KLF5: variants seen among roughly 807,000 people sequenced by gnomAD.
The protein encoded by KLF5 is Krueppel-like factor 5.
In KLF5, 9 loss-of-function variants were observed where a neutral mutation model predicts 36.9. The observed-to-expected ratio is 0.24, with a 90% CI of 0.15 to 0.43. The LOEUF (loss-of-function observed/expected upper bound fraction) is 0.43. KLF5 is among the 20% of genes least tolerant of loss of function. The probability of loss-of-function intolerance (pLI) is 1.00; values close to 1 mark genes in which losing one functional copy is unlikely to be tolerated. For synonymous variants in KLF5, 246 were observed against 241.7 expected (o/e 1.02, Z -0.17); for missense variants, 524 against 599.5 (o/e 0.87, Z 1.31).
At chr13:73,065,575 CAAAT>C (rs2044672965) in intron 3 of KLF5, among the ~76,000 whole-genome samples, 1 of 152,042 alleles carries the variant, frequency 6.6e-6, no homozygotes, top group Non-Finnish European at 1.5e-5. Flanking sequence ...TAGTTAAACA[CAAAT>C]GAATTAAGCA....
At position 73,062,411 on chromosome 13, in the gene KLF5, C is replaced by T. The variant is rs748275920; in HGVS notation, c.812C>T (p.Pro271Leu). Residue 271 changes from proline to leucine, a missense_variant, in exon 2 of 4, where the codon CCG (proline) becomes CTG (leucine). Pro to Leu is a moderately conservative substitution (Grantham distance 98). Coordinates refer to ENST00000377687, the MANE Select transcript of KLF5 (RefSeq NM_001730.5). ...CTTAACACACACACCTCTGCTGTTC[C>T]GCAGACTGCAGTGAAACAATTCCAG... ...AGLNTHTSAV[P>L]QTAVKQFQGM... The T allele has an allele frequency of 1.2e-5, 19 of 1,614,042 alleles. No homozygotes were observed. Among genetic ancestry groups the T allele is most frequent in the South Asian group, 3.3e-5 (3 of 91,084 alleles).
rs1327079290 is a variant in KLF5 at position 73,059,675 on chromosome 13, C to T, written c.261+87C>T. On this transcript the variant is annotated intron_variant, in intron 1 of 3. Transcript: ENST00000377687. Reference sequence around the variant, plus strand: ...CGACTCGCGGGCGACAGGGGCCGCTCCAGGCTGGGGCGTGCGTCGGGGCGC... The same window carrying T: ...CGACTCGCGGGCGACAGGGGCCGCTTCAGGCTGGGGCGTGCGTCGGGGCGC... The T allele has an allele frequency of 1.4e-5, 14 of 1,030,858 alleles. No homozygotes were observed. In the African/African-American group the frequency reaches 2.2e-4, roughly 16 times the overall value. 63.9% of individuals were successfully genotyped at this position (1,030,858 alleles called of 1,614,324 possible).
Position 73,059,319 on chromosome 13 carries a change from C to G in KLF5, c.-9C>G. 7.3e-7 allele frequency: 1 copy of G among 1,371,366 alleles called. No homozygotes were observed. The highest frequency in any genetic ancestry group is 9.4e-7 in the Non-Finnish European group (1 of 1,061,630). The allele number at this position is 1,371,366 out of a possible 1,614,324, so 84.9% of individuals were successfully genotyped here. On this transcript the variant is annotated 5_prime_UTR_variant, in exon 1 of 4. Coordinates refer to ENST00000377687, the MANE Select transcript of KLF5 (RefSeq NM_001730.5). ...CGACCCGCGCCTGGAGCTGCGCCCCCGAGTGCCCATGGCTACAAGGGTGCT... is the reference window on the plus strand; with the variant it reads ...CGACCCGCGCCTGGAGCTGCGCCCCGGAGTGCCCATGGCTACAAGGGTGCT...
chr13:73,058,479 C>T (rs547378152), upstream of KLF5, among the ~76,000 whole-genome samples: 3 of 152,314 alleles, frequency 2.0e-5, no homozygotes, highest in East Asian at 3.9e-4. Context: ...TCACACCGCC[C>T]CTAGTTTTCT....
chr13:73,062,505 G>A lies in KLF5; in HGVS notation c.906G>A (p.Pro302=), dbSNP rs149206912. The A allele has an allele frequency of 2.5e-4, 406 of 1,613,960 alleles. No homozygotes were observed. The East Asian group carries it at 7.0e-3, about 28-fold the overall frequency. Residue 302 remains proline (P), a synonymous_variant, in exon 2 of 4, where the codon CCG becomes CCA. Coordinates refer to ENST00000377687, the MANE Select transcript of KLF5 (RefSeq NM_001730.5). ...FLPQQATYFP[P]SPPSSEPGSP... Reference sequence around the variant, plus strand: ...CACAACAGGCCACTTACTTTCCCCCGTCACCACCAAGCTCAGAGCCTGGAA... The same window carrying A: ...CACAACAGGCCACTTACTTTCCCCCATCACCACCAAGCTCAGAGCCTGGAA...
chr13:73,071,809 C>G (rs1481235508), intron 3 of KLF5, among the ~76,000 whole-genome samples: 2 of 152,154 alleles, frequency 1.3e-5, no homozygotes, highest in Non-Finnish European at 2.9e-5. Context: ...ATAATTTATT[C>G]TACTTTAAAA....
At chr13:73,063,677 C>G (rs1341748280) in intron 2 of KLF5, 147 bp from the exon 3 acceptor site, 1 of 612,802 alleles carries the variant, frequency 1.6e-6, no homozygotes, top group African/African-American at 1.8e-5. Context: ...GGGGAGGGCT[C>G]TTTAAAACTT....
In KLF5 at chr13:73,062,133, T is replaced by C; in HGVS notation, c.534T>C (p.Pro178=). ...GCCACCAGAGTGAAACGACTGCCCCTCCTCCGGCCCCGACCCAGGCCCTCC... is the reference window on the plus strand; with the variant it reads ...GCCACCAGAGTGAAACGACTGCCCCCCCTCCGGCCCCGACCCAGGCCCTCC... ...IFSHQSETTA[P]PPAPTQALPE... The change falls in exon 2 of 4, where the codon CCT becomes CCC. Residue 178 remains proline (P), a synonymous_variant. Coordinates refer to ENST00000377687, the MANE Select transcript of KLF5 (RefSeq NM_001730.5). The C allele has an allele frequency of 6.2e-7, 1 of 1,614,020 alleles. No homozygotes were observed. Among genetic ancestry groups the C allele is most frequent in the South Asian group, 1.1e-5 (1 of 91,080 alleles).
intron 3 of KLF5, 22 bp downstream of exon 3, chr13:73,063,905 T>C (rs1378758368): frequency 6.7e-7 from 1 of 1,500,978 alleles, no homozygotes; most frequent in East Asian, 2.3e-5. Context: ...TCTTGTTAAT[T>C]CTGTGAGTTG....
intron 3 of KLF5, among the ~76,000 whole-genome samples, chr13:73,071,397 C>G (rs921001068): frequency 6.6e-6 from 1 of 152,176 alleles, no homozygotes; most frequent in Non-Finnish European, 1.5e-5. Context: ...GATGCATTTA[C>G]AAATGCTAAT....
intron 1 of KLF5, chr13:73,059,852 G>A: frequency 5.2e-6 from 5 of 956,164 alleles, no homozygotes; most frequent in Non-Finnish European, 6.2e-6. Context: ...AAGAGGGAGG[G>A]AACTGGGTGC....
chr13:73,062,161 G>C lies in KLF5; in HGVS notation c.562G>C (p.Glu188Gln), dbSNP rs1246344580. ...TCCGGCCCCGACCCAGGCCCTCCCT[G>C]AGTTCACCAGTATATTCAGCTCACA... Reference protein sequence around the residue: ...PPPAPTQALPEFTSIFSSHQT... With the variant: ...PPPAPTQALPQFTSIFSSHQT... Residue 188 changes from glutamate (E) to glutamine (Q), a missense_variant, in exon 2 of 4, where the codon GAG becomes CAG. By Grantham distance (29) the Glu-to-Gln change is conservative (BLOSUM62 2). Around this residue, in one of 4 missense-constraint regions of KLF5, gnomAD observed 454 missense variants for 458.1 expected, o/e 0.99. Transcript: ENST00000377687. The C allele has an allele frequency of 6.2e-7, 1 of 1,614,064 alleles. No homozygotes were observed. The highest frequency in any genetic ancestry group is 1.1e-5 in the South Asian group (1 of 91,082).
chr13:73,072,217 T>C (rs2044726849), intron 3 of KLF5, among the ~76,000 whole-genome samples: 1 of 140,260 alleles, frequency 7.1e-6, no homozygotes, highest in Non-Finnish European at 1.6e-5. Flanking sequence ...TCAGAAGTCA[T>C]TCAGAGGGGG....
Position 73,076,130 on chromosome 13 carries a change from C to A in KLF5, c.*244C>A. ...GGCTTTACTCAAGCAGATCTCATCT[C>A]ATGACAGGCAGCCACGTCTCAACAT... On this transcript the variant is annotated 3_prime_UTR_variant, in exon 4 of 4. Transcript: ENST00000377687. 3.0e-6 allele frequency: 1 copy of A among 332,906 alleles called. No homozygotes were observed. 20.6% of individuals were successfully genotyped at this position (332,906 alleles called of 1,614,324 possible).
chr13:73,067,266 T>C (rs1321474033), intron 3 of KLF5, among the ~76,000 whole-genome samples: 2 of 152,234 alleles, frequency 1.3e-5, no homozygotes, highest in African/African-American at 2.4e-5. Context: ...AAACTGTCTA[T>C]TGCAACCAGT....
In KLF5 at chr13:73,075,958, AAAC is replaced by A; in HGVS notation, c.*78_*80del. On this transcript the variant is annotated 3_prime_UTR_variant, in exon 4 of 4. Coordinates refer to ENST00000377687, the MANE Select transcript of KLF5 (RefSeq NM_001730.5). ...GACAGACCTAACTATTCCTGTGTAA[AAAC>A]AACAAAAACAAACAAAAGCAAGAAA... 2 of 1,168,678 alleles carry A rather than the reference AAAC, an allele frequency of 1.7e-6. No homozygotes were observed. The highest frequency in any genetic ancestry group is 2.9e-5 in the East Asian group (1 of 34,930). The allele number at this position is 1,168,678 out of a possible 1,614,324, so 72.4% of individuals were successfully genotyped here.
Position 73,067,239 on chromosome 13 carries a change from A to G in KLF5, c.1195+3356A>G, listed in dbSNP as rs571026075. Among the ~76,000 whole-genome samples, 7 of 152,378 alleles carry G rather than the reference A, an allele frequency of 4.6e-5. No homozygotes were observed. The South Asian group carries it at 1.4e-3, about 32-fold the overall frequency. On this transcript the variant is annotated intron_variant, in intron 3 of 3. Coordinates refer to ENST00000377687, the MANE Select transcript of KLF5 (RefSeq NM_001730.5). ...CCCAAGTATACTGTTTTGTCTTTAT[A>G]AATCAACATGACTGATAAACTGTCT... is the stretch of plus-strand genomic sequence containing the variant.
intron 3 of KLF5, among the ~76,000 whole-genome samples, chr13:73,066,401 C>G (rs765513506): frequency 1.5e-4 from 22 of 151,406 alleles, no homozygotes; most frequent in Non-Finnish European, 2.2e-4. Context: ...TATGTAATAG[C>G]TTTTTTTGGT....
At chr13:73,059,737 ACGCCT>A in intron 1 of KLF5, 149 bp downstream of exon 1, 1 of 720,600 alleles carries the variant, frequency 1.4e-6, no homozygotes, top group Non-Finnish European at 1.7e-6. Flanking sequence ...CCCGCCCTGC[ACGCCT>A]GGCCGGGGCC....
Sources: gnomAD v4.1 joint callset for allele counts (sites outside exome capture counted in the v4.1 genomes callset) on GRCh38, gnomAD v4.1.1 for gene constraint, gnomAD v4.1.1 regional missense constraint, MANE v1.5 for transcripts, NCBI Gene and HGNC (gene_info 2026-07-23, HGNC 2026-07-21) for gene names.